The following NKAIN2 variants were observed in gnomAD, a reference collection of about 807,000 sequenced individuals.
The protein encoded by NKAIN2 is sodium/potassium transporting ATPase interacting 2, also known as sodium/potassium-transporting ATPase subunit beta-1-interacting protein 2.
In NKAIN2, 14 loss-of-function variants were observed where a neutral mutation model predicts 32.6. The observed-to-expected ratio is 0.43, with a 90% confidence interval of 0.28 to 0.67. The LOEUF (loss-of-function observed/expected upper bound fraction) is 0.67, where lower values mean the gene tolerates loss of function less well. Ranked by LOEUF, NKAIN2 falls within the 30% of genes least tolerant of loss-of-function variation. The pLI, the probability that NKAIN2 is intolerant of heterozygous loss-of-function variation, is 0.17. For synonymous variants in NKAIN2, 80 were observed against 87.2 expected (o/e 0.92, Z 0.46); for missense variants, 198 against 258.3 (o/e 0.77, Z 1.60).
At chr6:124,789,358 T>G (rs940249524) in intron 4 of NKAIN2, among the ~76,000 whole-genome samples, 1 of 152,034 alleles carries the variant, frequency 6.6e-6, no homozygotes, top group Non-Finnish European at 1.5e-5. Context: ...GGAAAACTAT[T>G]GATAAACCTG....
intron 3 of NKAIN2, among the ~76,000 whole-genome samples, chr6:124,503,263 G>A (rs1026750537): frequency 5.3e-4 from 80 of 151,990 alleles, no homozygotes; most frequent in African/African-American, 1.6e-3. Flanking sequence ...GTAAAGGAAA[G>A]TCTAAAAGAA....
intron 4 of NKAIN2, among the ~76,000 whole-genome samples, chr6:124,771,123 G>A (rs1026892109): frequency 1.3e-5 from 2 of 151,984 alleles, no homozygotes; most frequent in African/African-American, 2.4e-5. Context: ...TAATCCCAAC[G>A]AGAGCTAACA....
At chr6:124,667,935 A>G (rs1042634560) in intron 4 of NKAIN2, among the ~76,000 whole-genome samples, 4 of 152,074 alleles carry the variant, frequency 2.6e-5, no homozygotes, top group African/African-American at 4.8e-5. Flanking sequence ...CGAAAACTCT[A>G]CTGTTCCCAA....
intron 2 of NKAIN2, among the ~76,000 whole-genome samples, chr6:124,334,804 G>T (rs1333095334): frequency 6.6e-6 from 1 of 152,144 alleles, no homozygotes; most frequent in Non-Finnish European, 1.5e-5. Flanking sequence ...CAAGAAGGGG[G>T]TTTGTTTTGG....
chr6:124,034,068 T>C (rs1482199441), intron 1 of NKAIN2, among the ~76,000 whole-genome samples: 1 of 152,138 alleles, frequency 6.6e-6, no homozygotes, highest in Non-Finnish European at 1.5e-5. Flanking sequence ...ACTTTTCAGC[T>C]GTTTTGAGGG....
intron 1 of NKAIN2, among the ~76,000 whole-genome samples, chr6:124,055,926 T>C (rs1782623889): frequency 6.6e-6 from 1 of 152,078 alleles, no homozygotes; most frequent in Admixed American, 6.6e-5. Context: ...GTTGAATTTG[T>C]CTTTCATTTG....
At chr6:124,421,773 T>C (rs1774762120) in intron 3 of NKAIN2, among the ~76,000 whole-genome samples, 1 of 152,126 alleles carries the variant, frequency 6.6e-6, no homozygotes, top group Non-Finnish European at 1.5e-5. Flanking sequence ...TTGTACAGAT[T>C]CATTTTCAAA....
intron 1 of NKAIN2, among the ~76,000 whole-genome samples, chr6:123,900,556 T>TTTC: frequency 7.8e-6 from 1 of 128,224 alleles, no homozygotes; most frequent in Non-Finnish European, 1.6e-5. Flanking sequence ...TTTTTTTTTT[T>TTTC]TTTTTTTTTT....
intron 3 of NKAIN2, among the ~76,000 whole-genome samples, chr6:124,429,802 T>C (rs543215037): frequency 6.6e-6 from 1 of 152,292 alleles, no homozygotes; most frequent in South Asian, 2.1e-4. Context: ...CTCCCCTTGC[T>C]GCCAGGTCTT....
chr6:124,569,821 A>G (rs1781059136), intron 3 of NKAIN2, among the ~76,000 whole-genome samples: 2 of 152,190 alleles, frequency 1.3e-5, no homozygotes, highest in Admixed American at 6.5e-5. Context: ...GAAAAGATAA[A>G]TGAAAATATG....
chr6:124,490,268 A>T (rs1482198475), intron 3 of NKAIN2: 1 of 386,688 alleles, frequency 2.6e-6, no homozygotes, highest in East Asian at 7.2e-5. Flanking sequence ...GTATGTTATC[A>T]CCACCAATTA....
chr6:124,515,704 T>C (rs1778882621), intron 3 of NKAIN2, among the ~76,000 whole-genome samples: 3 of 3,356 alleles, frequency 8.9e-4, no homozygotes, highest in East Asian at 0.12. Flanking sequence ...TCATTTTTCT[T>C]CGCTTTCTCT....
chr6:124,151,213 C>T (rs528611792), intron 1 of NKAIN2, among the ~76,000 whole-genome samples: 1 of 151,768 alleles, frequency 6.6e-6, no homozygotes, highest in Non-Finnish European at 1.5e-5. Flanking sequence ...AAAAGATATA[C>T]AATTCATACA....
chr6:124,584,205 C>G (rs1234899503), intron 3 of NKAIN2, among the ~76,000 whole-genome samples: 1 of 152,118 alleles, frequency 6.6e-6, no homozygotes, highest in Admixed American at 6.5e-5. Flanking sequence ...TGGGAAGAGA[C>G]AACCCACAGA....
chr6:124,237,282 G>A (rs1792823659), intron 1 of NKAIN2, among the ~76,000 whole-genome samples: 1 of 152,148 alleles, frequency 6.6e-6, no homozygotes, highest in Non-Finnish European at 1.5e-5. Flanking sequence ...CAGAACAATT[G>A]AGGAAGGAGG....
intron 1 of NKAIN2, among the ~76,000 whole-genome samples, chr6:124,109,733 T>C (rs1785286316): frequency 6.6e-6 from 1 of 152,076 alleles, no homozygotes; most frequent in African/African-American, 2.4e-5. Flanking sequence ...ATATTAGTTG[T>C]GGACTTTTCA....
chr6:123,914,361 CAGGG>C (rs1222559279), intron 1 of NKAIN2, among the ~76,000 whole-genome samples: 3 of 151,600 alleles, frequency 2.0e-5, no homozygotes, highest in Non-Finnish European at 4.4e-5. Flanking sequence ...GGGAGGAAGC[CAGGG>C]AGGGAGGGAG....
intron 1 of NKAIN2, among the ~76,000 whole-genome samples, chr6:123,956,611 C>T (rs571710775): frequency 6.6e-6 from 1 of 152,194 alleles, no homozygotes; most frequent in Non-Finnish European, 1.5e-5. Flanking sequence ...GCCACCCCAT[C>T]TGTGGTATTT....
intron 1 of NKAIN2, among the ~76,000 whole-genome samples, chr6:124,104,750 T>C (rs1785040227): frequency 6.6e-6 from 1 of 152,254 alleles, no homozygotes; most frequent in Non-Finnish European, 1.5e-5. Flanking sequence ...AGATTACTTC[T>C]TTTTATCTCT....
Sources: allele counts gnomAD v4.1 joint callset (sites outside exome capture counted in the v4.1 genomes callset), GRCh38; gene constraint gnomAD v4.1.1; transcripts MANE v1.5; gene names NCBI Gene and HGNC (gene_info 2026-07-23, HGNC 2026-07-21).